Variants in NCOA2 observed in about 807,000 individuals in gnomAD.
NCOA2 encodes nuclear receptor coactivator 2.
NCOA2 carries 21 observed loss-of-function variants against 145.1 expected under a neutral mutation model. The ratio of observed to expected loss-of-function variants is 0.14; its 90% CI spans 0.10 to 0.21. NCOA2 has a LOEUF of 0.21. Ranked by LOEUF, NCOA2 falls within the 10% of genes least tolerant of loss-of-function variation. NCOA2 has a pLI of 1.00. For synonymous variants in NCOA2, 619 were observed against 637.5 expected (o/e 0.97, Z 0.44); for missense variants, 1,472 against 1,837.6 (o/e 0.80, Z 3.64).
chr8:70,219,930 T>C (rs1819998835), intron 2 of NCOA2, among the ~76,000 whole-genome samples: 1 of 152,126 alleles, frequency 6.6e-6, no homozygotes, highest in Non-Finnish European at 1.5e-5. Flanking sequence ...TACTGGGCAA[T>C]GCAGAAGTGA....
At chr8:70,127,172 A>G (rs2131470238) in intron 18 of NCOA2, 125 bp from the exon 19 acceptor site, 2 of 673,308 alleles carry the variant, frequency 3.0e-6, no homozygotes, top group East Asian at 2.7e-5. Context: ...GAAAAAAATT[A>G]CATGAAAGGA....
intron 10 of NCOA2, among the ~76,000 whole-genome samples, chr8:70,159,242 A>ATATATTTTTTT: frequency 4.9e-5 from 3 of 61,078 alleles, no homozygotes; most frequent in South Asian, 3.6e-4. Flanking sequence ...ATATATATAT[A>ATATATTTTTTT]TTTTTTTTTT....
At chr8:70,244,014 A>T (rs1413248849) in intron 2 of NCOA2, among the ~76,000 whole-genome samples, 1 of 152,192 alleles carries the variant, frequency 6.6e-6, no homozygotes, top group East Asian at 1.9e-4. Context: ...ATAATTAAAA[A>T]TTATGTTTGA....
chr8:70,191,240 T>C (rs143175724), intron 4 of NCOA2, among the ~76,000 whole-genome samples: 142 of 152,338 alleles, frequency 9.3e-4, no homozygotes, highest in African/African-American at 3.1e-3. Flanking sequence ...GAGTATATTC[T>C]TACAATTCTG....
chr8:70,133,059 G>C (rs375109916), intron 15 of NCOA2, among the ~76,000 whole-genome samples: 1 of 151,708 alleles, frequency 6.6e-6, no homozygotes, highest in Non-Finnish European at 1.5e-5. Context: ...TGTCAGATTA[G>C]AGTAGAGGAG....
At chr8:70,191,266 G>A (rs1284901294) in intron 4 of NCOA2, among the ~76,000 whole-genome samples, 1 of 152,208 alleles carries the variant, frequency 6.6e-6, no homozygotes, top group Non-Finnish European at 1.5e-5. Context: ...CTACTATAAT[G>A]AATAGACAGA....
chr8:70,141,487 A>G (rs1810424232), intron 13 of NCOA2, 88 bp from the exon 14 acceptor site: 1 of 1,211,860 alleles, frequency 8.3e-7, no homozygotes, highest in African/African-American at 1.5e-5. Flanking sequence ...ACCCTACAAA[A>G]CAATCATTCT....
chr8:70,385,613 A>C (rs1362613305), intron 1 of NCOA2, among the ~76,000 whole-genome samples: 2 of 152,092 alleles, frequency 1.3e-5, no homozygotes, highest in African/African-American at 4.8e-5. Flanking sequence ...TTTCTTGTAG[A>C]AATGGGGTCT....
At chr8:70,151,477 G>A (rs1811741874) in intron 11 of NCOA2, among the ~76,000 whole-genome samples, 1 of 152,100 alleles carries the variant, frequency 6.6e-6, no homozygotes, top group African/African-American at 2.4e-5. Context: ...TAGTAGAAAT[G>A]GGGTTTCACC....
At chr8:70,145,615 C>G (rs1297398581) in intron 12 of NCOA2, among the ~76,000 whole-genome samples, 2 of 149,286 alleles carry the variant, frequency 1.3e-5, no homozygotes, top group Non-Finnish European at 2.9e-5. Context: ...GCCACTGTGC[C>G]CAGCCCTTTT....
At chr8:70,444,606 T>C in the NCOA2 span, among the ~76,000 whole-genome samples, 6 of 152,200 alleles carry the variant, frequency 3.9e-5, no homozygotes, top group Non-Finnish European at 7.3e-5. Flanking sequence ...CAAGACATTG[T>C]CATTGAGGGA....
At chr8:70,355,232 T>G (rs905521153) in intron 1 of NCOA2, among the ~76,000 whole-genome samples, 11 of 152,176 alleles carry the variant, frequency 7.2e-5, no homozygotes, top group Admixed American at 7.2e-4. Context: ...CAGAAGACAG[T>G]GCTGACCTAA....
intron 2 of NCOA2, among the ~76,000 whole-genome samples, chr8:70,252,826 T>C (rs1823317233): frequency 1.3e-5 from 2 of 152,224 alleles, no homozygotes; most frequent in African/African-American, 2.4e-5. Flanking sequence ...AGATGTTATA[T>C]TCTGAGGCAA....
chr8:70,325,693 G>A (rs1428408277), intron 1 of NCOA2, among the ~76,000 whole-genome samples: 5 of 152,130 alleles, frequency 3.3e-5, no homozygotes, highest in East Asian at 3.9e-4. Context: ...GTGAGCTATC[G>A]TGCCTGGCTG....
intron 9 of NCOA2, among the ~76,000 whole-genome samples, chr8:70,161,713 A>T (rs1376421450): frequency 6.6e-6 from 1 of 152,184 alleles, no homozygotes; most frequent in Non-Finnish European, 1.5e-5. Flanking sequence ...TTCTGCAAGG[A>T]TGCAGACAAC....
At chr8:70,425,929 G>A in the NCOA2 span, among the ~76,000 whole-genome samples, 1 of 152,164 alleles carries the variant, frequency 6.6e-6, no homozygotes, top group South Asian at 2.1e-4. Context: ...CAAGCAACAG[G>A]CCTAAGGCAC....
chr8:70,328,139 T>G (rs1017217025), intron 1 of NCOA2, among the ~76,000 whole-genome samples: 4 of 152,312 alleles, frequency 2.6e-5, no homozygotes, highest in African/African-American at 9.6e-5. Flanking sequence ...CTGAGACACA[T>G]ACAGAAAAGT....
intron 2 of NCOA2, among the ~76,000 whole-genome samples, chr8:70,236,576 C>A (rs962234871): frequency 3.3e-5 from 5 of 152,132 alleles, no homozygotes; most frequent in African/African-American, 1.2e-4. Flanking sequence ...AGATTAAATT[C>A]CCCTCTTCTG....
chr8:70,438,214 A>AT, the NCOA2 span, among the ~76,000 whole-genome samples: 1 of 152,228 alleles, frequency 6.6e-6, no homozygotes, highest in African/African-American at 2.4e-5. Flanking sequence ...GTATGCACTA[A>AT]TTATTCAGAG....
Sources: allele counts gnomAD v4.1 joint callset (sites outside exome capture counted in the v4.1 genomes callset), GRCh38; gene constraint gnomAD v4.1.1; transcripts MANE v1.5; gene names NCBI Gene and HGNC (gene_info 2026-07-23, HGNC 2026-07-21).